SHC3: variants seen among roughly 807,000 people sequenced by gnomAD.
SHC3 encodes the protein SHC-transforming protein 3.
Under a neutral mutation model 60.4 loss-of-function variants are expected in SHC3, and 15 were observed. The ratio of observed to expected loss-of-function variants is 0.25; its 90% CI spans 0.17 to 0.38. The LOEUF is 0.38. SHC3 is among the 10% of genes least tolerant of loss of function. The pLI, the probability that SHC3 is intolerant of heterozygous loss-of-function variation, is 1.00. For missense variants in SHC3, 677 were observed against 786.1 expected (o/e 0.86, Z 1.66); for synonymous variants, 294 against 325.9 (o/e 0.90, Z 1.05).
intron 1 of SHC3, among the ~76,000 whole-genome samples, chr9:89,157,720 C>T (rs547926275): frequency 6.6e-6 from 1 of 152,044 alleles, no homozygotes; most frequent in Non-Finnish European, 1.5e-5. Context: ...AGTTCAAGTG[C>T]TCCTCCTGCC....
At chr9:89,105,730 C>T (rs1331189) in intron 2 of SHC3, among the ~76,000 whole-genome samples, 8,929 of 152,196 alleles carry the variant, frequency 0.059, 349 homozygotes, top group Admixed American at 0.11. Context: ...TCATCATCAT[C>T]ATTAGAATTA....
At chr9:89,026,723 GC>G (rs1034189473) in intron 11 of SHC3, among the ~76,000 whole-genome samples, 1 of 152,154 alleles carries the variant, frequency 6.6e-6, no homozygotes, top group African/African-American at 2.4e-5. Flanking sequence ...AACCCTGTCC[GC>G]CCAGGGCTTA....
intron 1 of SHC3, among the ~76,000 whole-genome samples, chr9:89,116,972 G>C (rs924456181): frequency 6.6e-6 from 1 of 152,128 alleles, no homozygotes. Context: ...ACAGATTTTC[G>C]GGATGATGCC....
At chr9:89,139,828 C>G (rs1220468362) in intron 1 of SHC3, among the ~76,000 whole-genome samples, 1 of 152,178 alleles carries the variant, frequency 6.6e-6, no homozygotes, top group African/African-American at 2.4e-5. Context: ...AAGGCTGACT[C>G]TTGAGCCTAG....
chr9:89,171,608 T>C (rs1190773546), intron 1 of SHC3, among the ~76,000 whole-genome samples: 1 of 152,264 alleles, frequency 6.6e-6, no homozygotes, highest in Non-Finnish European at 1.5e-5. Context: ...AAGTCTGAAG[T>C]AAGCAGCATT....
rs577777695 is a variant in SHC3, at chr9:89,130,819, T to C, written c.475-18193A>G. On this transcript the variant is annotated intron_variant, in intron 1 of 11. Coordinates refer to ENST00000375835, the MANE Select transcript of SHC3 (RefSeq NM_016848.6). ...AAGAGAAAGCAGGAAAGATCTAAAA[T>C]TGACACCCTAACATCACAATTAAAA... Among the ~76,000 whole-genome samples, 13 of 152,096 alleles carry C rather than the reference T, an allele frequency of 8.5e-5. No individual in the cohort carries two copies. The South Asian group carries it at 2.7e-3, about 32-fold the overall frequency.
intron 11 of SHC3, among the ~76,000 whole-genome samples, chr9:89,022,694 C>T (rs899550338): frequency 1.3e-5 from 2 of 152,128 alleles, no homozygotes; most frequent in African/African-American, 4.8e-5. Flanking sequence ...TCCGAACATG[C>T]TTATAGCAAC....
In SHC3 at chr9:89,125,242, G is replaced by T. The variant is rs76532301; in HGVS notation, c.475-12616C>A. On this transcript the variant is annotated intron_variant, in intron 1 of 11. Coordinates refer to ENST00000375835, the MANE Select transcript of SHC3 (RefSeq NM_016848.6). ...AGGAAATTCTGATGTCCAGTCAAGT[G>T]TGAGATCTGCCTGTACGAGACATCT... Among the ~76,000 whole-genome samples the T allele has an allele frequency of 1.6e-4, 24 of 152,254 alleles. No homozygotes were observed. The East Asian group carries it at 4.6e-3, about 29-fold the overall frequency.
At chr9:89,096,758 G>A (rs1294493764) in intron 2 of SHC3, among the ~76,000 whole-genome samples, 2 of 152,180 alleles carry the variant, frequency 1.3e-5, no homozygotes, top group African/African-American at 4.8e-5. Flanking sequence ...AGGGGGAGAC[G>A]TGCTACTGGC....
intron 6 of SHC3, among the ~76,000 whole-genome samples, chr9:89,058,509 G>A (rs1824995043): frequency 6.6e-6 from 1 of 150,838 alleles, no homozygotes; most frequent in African/African-American, 2.4e-5. Context: ...ATGTAGTGGA[G>A]GATGCGGTGG....
chr9:89,132,215 C>T (rs111806393), intron 1 of SHC3, among the ~76,000 whole-genome samples: 8,933 of 152,142 alleles, frequency 0.059, 351 homozygotes, highest in Admixed American at 0.11. Flanking sequence ...ATGTGAAGGA[C>T]CTCTTCAAGG....
chr9:89,039,806 C>A (rs1372479129), intron 10 of SHC3, among the ~76,000 whole-genome samples: 2 of 151,400 alleles, frequency 1.3e-5, no homozygotes, highest in Non-Finnish European at 1.5e-5. Context: ...ACCACCATTA[C>A]CATCAGCATC....
At chr9:89,084,592 C>T (rs2118035737) in intron 2 of SHC3, among the ~76,000 whole-genome samples, 1 of 152,334 alleles carries the variant, frequency 6.6e-6, no homozygotes, top group East Asian at 1.9e-4. Context: ...CTTCACTGGA[C>T]AGATCAGAGA....
intron 7 of SHC3, among the ~76,000 whole-genome samples, chr9:89,050,568 G>A (rs1204561903): frequency 1.3e-5 from 2 of 152,180 alleles, no homozygotes; most frequent in Non-Finnish European, 2.9e-5. Flanking sequence ...TTACAGGTGT[G>A]AGCCACTGTG....
chr9:89,038,895 C>G (rs182592384), intron 10 of SHC3, among the ~76,000 whole-genome samples: 1 of 152,312 alleles, frequency 6.6e-6, no homozygotes, highest in South Asian at 2.1e-4. Flanking sequence ...CCCTGTGGAA[C>G]GAGGCTCTCA....
chr9:89,045,161 C>A (rs1824751307), intron 9 of SHC3, among the ~76,000 whole-genome samples: 1 of 152,058 alleles, frequency 6.6e-6, no homozygotes, highest in South Asian at 2.1e-4. Context: ...GCTCTCCCAG[C>A]ATGGAGGTGT....
intron 2 of SHC3, among the ~76,000 whole-genome samples, chr9:89,094,452 G>A (rs76925922): frequency 1.3e-5 from 2 of 152,182 alleles, no homozygotes; most frequent in Non-Finnish European, 1.5e-5. Flanking sequence ...TTTCAAAGAA[G>A]AGCACGCACA....
chr9:89,104,451 C>A (rs1825827792), intron 2 of SHC3, among the ~76,000 whole-genome samples: 1 of 152,156 alleles, frequency 6.6e-6, no homozygotes. Context: ...GTCCAAGAAC[C>A]ACTATTCTAA....
At chr9:89,115,039 C>T (rs1037270303) in intron 1 of SHC3, among the ~76,000 whole-genome samples, 1 of 152,148 alleles carries the variant, frequency 6.6e-6, no homozygotes, top group Non-Finnish European at 1.5e-5. Context: ...CTCGCACAAC[C>T]AAGTCACAGG....
Sources: allele counts gnomAD v4.1 joint callset (sites outside exome capture counted in the v4.1 genomes callset), GRCh38; gene constraint gnomAD v4.1.1; transcripts MANE v1.5; gene names NCBI Gene and HGNC (gene_info 2026-07-23, HGNC 2026-07-21).